The following PLS1 variants were observed in gnomAD, a reference collection of about 807,000 sequenced individuals.
PLS1 encodes the protein plastin 1.
In PLS1, 32 loss-of-function variants were observed where a neutral mutation model predicts 73.7. That is an observed-to-expected ratio of 0.43 (90% CI 0.33 to 0.58). PLS1 has a LOEUF of 0.58. Ranked by LOEUF, PLS1 falls within the 20% of genes least tolerant of loss-of-function variation. PLS1 has a pLI of 0.04. For synonymous variants in PLS1, 217 were observed against 261.3 expected (o/e 0.83, Z 1.63); for missense variants, 633 against 740.5 (o/e 0.85, Z 1.68).
At chr3:142,684,851 T>C (rs2037930414) in intron 8 of PLS1, among the ~76,000 whole-genome samples, 1 of 152,218 alleles carries the variant, frequency 6.6e-6, no homozygotes, top group Non-Finnish European at 1.5e-5. Context: ...GTATGTGCCT[T>C]AACCAGGGTA....
In PLS1 at chr3:142,606,376, A is replaced by C. The variant is rs536479254; in HGVS notation, c.-37+9867A>C. On this transcript the variant is annotated intron_variant, in intron 1 of 15. Coordinates refer to ENST00000457734, the MANE Select transcript of PLS1 (RefSeq NM_001145319.2). ...AGAAATTAAAGGTTTCATATCAACCACACGTTGTCAAAATCTTCACTTTGA... is the reference window on the plus strand; with the variant it reads ...AGAAATTAAAGGTTTCATATCAACCCCACGTTGTCAAAATCTTCACTTTGA... Among the ~76,000 whole-genome samples, 207 of 152,342 alleles carry C rather than the reference A, an allele frequency of 1.4e-3. 1 individual carries two copies. The highest frequency in any genetic ancestry group is 2.3e-3 in the Non-Finnish European group (156 of 68,044).
chr3:142,670,859 G>A (rs951130120), intron 3 of PLS1, 134 bp from the exon 4 acceptor site: 26 of 584,680 alleles, frequency 4.4e-5, no homozygotes, highest in African/African-American at 1.9e-5. Flanking sequence ...AGTTATCTGT[G>A]TATACAAGCA....
chr3:142,646,644 A>G (rs1411515416), intron 1 of PLS1, among the ~76,000 whole-genome samples: 1 of 152,260 alleles, frequency 6.6e-6, no homozygotes, highest in African/African-American at 2.4e-5. Context: ...AGGCATCTGG[A>G]GACAGTGCTG....
intron 1 of PLS1, among the ~76,000 whole-genome samples, chr3:142,623,129 T>C (rs777013222): frequency 4.6e-5 from 7 of 152,164 alleles, no homozygotes; most frequent in African/African-American, 1.4e-4. Flanking sequence ...CAGCTCAACA[T>C]TGCCATTTTA....
At chr3:142,674,351 T>C (rs891974308) in intron 4 of PLS1, among the ~76,000 whole-genome samples, 7 of 152,154 alleles carry the variant, frequency 4.6e-5, no homozygotes, top group African/African-American at 1.7e-4. Flanking sequence ...TGTGTTTTTG[T>C]TGACTTGTGT....
At chr3:142,629,409 G>T (rs911737101) in intron 1 of PLS1, among the ~76,000 whole-genome samples, 5 of 152,062 alleles carry the variant, frequency 3.3e-5, no homozygotes, top group Non-Finnish European at 7.4e-5. Context: ...CACCATGTTG[G>T]CCAGGCTGGT....
chr3:142,602,463 C>A (rs1313420720), intron 1 of PLS1, among the ~76,000 whole-genome samples: 1 of 152,060 alleles, frequency 6.6e-6, no homozygotes. Context: ...GCCATAAACC[C>A]CCAGGAAGAA....
intron 1 of PLS1, among the ~76,000 whole-genome samples, chr3:142,653,247 T>C (rs1015099169): frequency 6.6e-6 from 1 of 152,228 alleles, no homozygotes; most frequent in Non-Finnish European, 1.5e-5. Context: ...TTGTTTTCTT[T>C]TAAACGCATG....
intron 6 of PLS1, among the ~76,000 whole-genome samples, chr3:142,679,785 A>G: frequency 6.6e-6 from 1 of 152,146 alleles, no homozygotes; most frequent in Admixed American, 6.5e-5. Context: ...ATGAACTTTA[A>G]AGTAGTTTTT....
chr3:142,711,031 GATTA>G (rs1933104459), intron 14 of PLS1, among the ~76,000 whole-genome samples: 1 of 152,044 alleles, frequency 6.6e-6, no homozygotes, highest in South Asian at 2.1e-4. Context: ...TTAAAAGGTG[GATTA>G]AATAAACTAA....
In PLS1 at chr3:142,647,693, G is replaced by A. The variant is rs190994782; in HGVS notation, c.-36-16509G>A. 2.3e-4 allele frequency among the ~76,000 whole-genome samples: 35 copies of A among 151,932 alleles called. 1 individual carries two copies. Among genetic ancestry groups the A allele is most frequent in the Admixed American group, 9.2e-4 (14 of 15,232 alleles). ...AATTTTTTGTATTTTTAGTAGAGAC[G>A]GGGTTTCGTTATGTTGACCAGACTG... On this transcript the variant is annotated intron_variant, in intron 1 of 15. Coordinates refer to ENST00000457734, the MANE Select transcript of PLS1 (RefSeq NM_001145319.2).
chr3:142,692,459 C>T (rs1451451444), intron 10 of PLS1, among the ~76,000 whole-genome samples: 2 of 152,062 alleles, frequency 1.3e-5, no homozygotes, highest in Non-Finnish European at 1.5e-5. Flanking sequence ...CTTTGTAATG[C>T]TTTACCATGG....
chr3:142,650,057 G>A (rs2037048403), intron 1 of PLS1, among the ~76,000 whole-genome samples: 1 of 151,108 alleles, frequency 6.6e-6, no homozygotes, highest in Non-Finnish European at 1.5e-5. Flanking sequence ...TAGAAACCCA[G>A]TTTAAATGGC....
chr3:142,701,853 G>C lies in PLS1; in HGVS notation c.1372-2015G>C, dbSNP rs114674797. ...TTCTCCCACTGAACTGGGTGTCCAT[G>C]GTAAATATGCTGGCTTTTTACTCTC... On this transcript the variant is annotated intron_variant, in intron 12 of 15. Coordinates refer to ENST00000457734, the MANE Select transcript of PLS1 (RefSeq NM_001145319.2). Among the ~76,000 whole-genome samples, 525 of 152,230 alleles carry C rather than the reference G, an allele frequency of 3.4e-3. 7 individuals are homozygous for C. The highest frequency in any genetic ancestry group is 0.012 in the African/African-American group (479 of 41,526).
At chr3:142,665,815 T>TA (rs763346385) in intron 2 of PLS1, among the ~76,000 whole-genome samples, 1 of 148,554 alleles carries the variant, frequency 6.7e-6, no homozygotes, top group African/African-American at 2.5e-5. Context: ...TTTTTTTTTT[T>TA]AACAAAACCT....
intron 5 of PLS1, 115 bp downstream of exon 5, chr3:142,676,404 T>A: frequency 1.1e-6 from 1 of 947,700 alleles, no homozygotes. Context: ...GCTACTTAGG[T>A]CATGAGGAAT....
At chr3:142,676,948 T>A (rs958299085) in intron 5 of PLS1, among the ~76,000 whole-genome samples, 3 of 152,190 alleles carry the variant, frequency 2.0e-5, no homozygotes, top group South Asian at 2.1e-4. Flanking sequence ...TCTTTTTTTT[T>A]ATGTTTTTAC....
chr3:142,641,467 A>T (rs2036839398), intron 1 of PLS1, among the ~76,000 whole-genome samples: 1 of 151,324 alleles, frequency 6.6e-6, no homozygotes, highest in South Asian at 2.1e-4. Context: ...TTTTTAAAAG[A>T]TATGTAATTT....
chr3:142,633,732 CA>C (rs2036616998), intron 1 of PLS1, among the ~76,000 whole-genome samples: 1 of 151,960 alleles, frequency 6.6e-6, no homozygotes, highest in Non-Finnish European at 1.5e-5. Flanking sequence ...TTTTTTACCA[CA>C]ATAAAAAAAG....
Sources: gnomAD v4.1 joint callset for allele counts (sites outside exome capture counted in the v4.1 genomes callset) on GRCh38, gnomAD v4.1.1 for gene constraint, MANE v1.5 for transcripts, NCBI Gene and HGNC (gene_info 2026-07-23, HGNC 2026-07-21) for gene names.